CYB5RL: variants seen among roughly 807,000 people sequenced by gnomAD.
The protein encoded by CYB5RL is NADH-cytochrome b5 reductase-like.
In CYB5RL, 38 loss-of-function variants were observed where a neutral mutation model predicts 37.5. The observed-to-expected ratio is 1.01, with a 90% confidence interval of 0.78 to 1.33. The LOEUF (loss-of-function observed/expected upper bound fraction) is 1.33, where lower values mean the gene tolerates loss of function less well. Ranked by LOEUF, CYB5RL falls within the 40% of genes most tolerant of loss-of-function variation. The pLI, the probability that CYB5RL is intolerant of heterozygous loss-of-function variation, is 0.00. For synonymous variants in CYB5RL, 141 were observed against 151.9 expected, an observed-to-expected ratio of 0.93 and a Z score of 0.53; for missense variants, 388 against 394.4, an observed-to-expected ratio of 0.98 and a Z score of 0.14.
intron 5 of CYB5RL, among the ~76,000 whole-genome samples, chr1:54,187,434 C>T (rs144722456): frequency 8.3e-4 from 126 of 152,314 alleles, no homozygotes; most frequent in African/African-American, 3.0e-3. Context: ...TCTATAAGCT[C>T]CTCCATGTCC....
Position 54,171,014 on chromosome 1 carries a change from C to G in CYB5RL, c.*3605G>C, listed in dbSNP as rs1659878131. 1 of 401,962 alleles carries G rather than the reference C, an allele frequency of 2.5e-6. No individual in the cohort carries two copies. Among genetic ancestry groups the G allele is most frequent in the African/African-American group, 2.0e-5 (1 of 49,022 alleles). 24.9% of individuals were successfully genotyped at this position (401,962 alleles called of 1,614,324 possible). ...TGAGCATCCTCCCCTGTTAGGGGTA[C>G]AATGGGCCGGCCCTCATGCTCACAT... On this transcript the variant is annotated 3_prime_UTR_variant, in exon 8 of 8. Coordinates refer to ENST00000534324, the MANE Select transcript of CYB5RL (RefSeq NM_001031672.4).
chr1:54,195,372 A>G (rs1317790659), intron 3 of CYB5RL, 47 bp downstream of exon 3: 3 of 1,504,046 alleles, frequency 2.0e-6, no homozygotes, highest in Non-Finnish European at 2.7e-6. Flanking sequence ...GGCCAAGGCA[A>G]GTAGATTGTT....
intron 1 of CYB5RL, among the ~76,000 whole-genome samples, chr1:54,198,363 C>T (rs140012930): frequency 0.011 from 1,626 of 149,616 alleles, 54 homozygotes; most frequent in Admixed American, 0.065. Flanking sequence ...ACAAGAGTCT[C>T]GCTCTGTTGC....
At chr1:54,182,293 G>T (rs759000878) in intron 6 of CYB5RL, among the ~76,000 whole-genome samples, 3 of 152,118 alleles carry the variant, frequency 2.0e-5, no homozygotes, top group Non-Finnish European at 4.4e-5. Flanking sequence ...AAGTGCTAAG[G>T]TCTGAGCCTG....
At position 54,172,777 on chromosome 1, in the gene CYB5RL, G is replaced by T. The variant is rs894645832; in HGVS notation, c.*1842C>A. The T allele has an allele frequency of 2.0e-5, 3 of 152,286 alleles. No individual in the cohort carries two copies. The highest frequency in any genetic ancestry group is 7.2e-5 in the African/African-American group (3 of 41,450). The allele number at this position is 152,286 out of a possible 1,614,324, so 9.4% of individuals were successfully genotyped here. A position where few individuals can be genotyped will look rare whatever the true frequency, so the allele number is the denominator to read the frequency against. Reference sequence around the variant, plus strand: ...CCGCTATTTGGAGCTGAGTCAATAGGATGTGCAAACTGAGGGAGAGGAAAG... The same window carrying T: ...CCGCTATTTGGAGCTGAGTCAATAGTATGTGCAAACTGAGGGAGAGGAAAG... On this transcript the variant is annotated 3_prime_UTR_variant, in exon 8 of 8. Coordinates refer to ENST00000534324, the MANE Select transcript of CYB5RL (RefSeq NM_001031672.4).
At chr1:54,194,546 C>T (rs1034138953) in intron 3 of CYB5RL, among the ~76,000 whole-genome samples, 2 of 151,964 alleles carry the variant, frequency 1.3e-5, no homozygotes, top group African/African-American at 2.4e-5. Context: ...AGGTGGCTTA[C>T]GCCTGTAATC....
chr1:54,198,335 C>CT (rs577709879), intron 1 of CYB5RL, among the ~76,000 whole-genome samples: 10,502 of 143,130 alleles, frequency 0.073, 464 homozygotes, highest in Non-Finnish European at 0.1. Flanking sequence ...TTCTTTCTTT[C>CT]TTTTTTTTTT....
chr1:54,171,646 T>G lies in CYB5RL; in HGVS notation c.*2973A>C. The G allele has an allele frequency of 2.8e-6, 1 of 354,812 alleles. No individual in the cohort carries two copies. Among genetic ancestry groups the G allele is most frequent in the South Asian group, 2.1e-5 (1 of 46,950 alleles). 22.0% of individuals were successfully genotyped at this position (354,812 alleles called of 1,614,324 possible). ...TGGCTCACAGATTGTGGACACCTGG[T>G]TGACCTCTTGATGCCTGCGTATCAT... is the stretch of plus-strand genomic sequence containing the variant. On this transcript the variant is annotated 3_prime_UTR_variant, in exon 8 of 8. Coordinates refer to ENST00000534324, the MANE Select transcript of CYB5RL (RefSeq NM_001031672.4).
At chr1:54,190,109 T>G (rs946902645) in intron 4 of CYB5RL, among the ~76,000 whole-genome samples, 1 of 151,974 alleles carries the variant, frequency 6.6e-6, no homozygotes, top group Admixed American at 6.5e-5. Flanking sequence ...CAGCTCTACC[T>G]GGACATCCCA....
chr1:54,172,555 A>G lies in CYB5RL; in HGVS notation c.*2064T>C, dbSNP rs1290613827. 1 of 152,254 alleles carries G rather than the reference A, an allele frequency of 6.6e-6. No homozygotes were observed. Among genetic ancestry groups the G allele is most frequent in the Non-Finnish European group, 1.5e-5 (1 of 68,126 alleles). 9.4% of individuals were successfully genotyped at this position (152,254 alleles called of 1,614,324 possible). A position where few individuals can be genotyped will look rare whatever the true frequency, so the allele number is the denominator to read the frequency against. ...TGGTGTGCCCCTGGGCTCTCCCTAG[A>G]CTAGGCTAAAGCCCCTGCCAACCAC... is the stretch of plus-strand genomic sequence containing the variant. On this transcript the variant is annotated 3_prime_UTR_variant, in exon 8 of 8. Coordinates refer to ENST00000534324, the MANE Select transcript of CYB5RL (RefSeq NM_001031672.4).
intron 6 of CYB5RL, among the ~76,000 whole-genome samples, chr1:54,183,457 C>T (rs998114261): frequency 3.3e-5 from 5 of 152,044 alleles, no homozygotes; most frequent in Non-Finnish European, 5.9e-5. Context: ...CTGGGAAAGT[C>T]GGGGAAGGGT....
chr1:54,181,496 G>C (rs1032960928), intron 6 of CYB5RL, among the ~76,000 whole-genome samples: 2 of 152,224 alleles, frequency 1.3e-5, no homozygotes, highest in Non-Finnish European at 2.9e-5. Flanking sequence ...CTGTAACGAA[G>C]ACGACTGCAG....
At position 54,173,631 on chromosome 1, in the gene CYB5RL, T is replaced by C. The variant is rs1225934299; in HGVS notation, c.*988A>G. 6.6e-6 allele frequency: 1 copy of C among 152,468 alleles called. No individual in the cohort carries two copies. Among genetic ancestry groups the C allele is most frequent in the East Asian group, 1.9e-4 (1 of 5,192 alleles). The allele number at this position is 152,468 out of a possible 1,614,324, so 9.4% of individuals were successfully genotyped here. A position where few individuals can be genotyped will look rare whatever the true frequency, so the allele number is the denominator to read the frequency against. ...TGACTATAAAAGTCTAACTCTAAGA[T>C]TCCATGGCTTAATATTCCAATTCTG... On this transcript the variant is annotated 3_prime_UTR_variant, in exon 8 of 8. Transcript: ENST00000534324.
chr1:54,178,661 G>GAT (rs1246686352), intron 7 of CYB5RL, among the ~76,000 whole-genome samples: 1 of 152,186 alleles, frequency 6.6e-6, no homozygotes, highest in Non-Finnish European at 1.5e-5. Flanking sequence ...GTTTACTCCA[G>GAT]CAGTCACTAA....
rs1354727047 is a variant in CYB5RL, at chr1:54,190,198, A to C, written c.347+550T>G. Among the ~76,000 whole-genome samples, 3 of 152,202 alleles carry C rather than the reference A, an allele frequency of 2.0e-5. No homozygotes were observed. The East Asian group carries it at 5.8e-4, about 29-fold the overall frequency. ...CCTAAGTAGGCTGGGAGGAAGTAGGAACCTCAGAGGAGTGGTAAAGAGCGT... is the reference window on the plus strand; with the variant it reads ...CCTAAGTAGGCTGGGAGGAAGTAGGCACCTCAGAGGAGTGGTAAAGAGCGT... On this transcript the variant is annotated intron_variant, in intron 4 of 7. Coordinates refer to ENST00000534324, the MANE Select transcript of CYB5RL (RefSeq NM_001031672.4).
intron 3 of CYB5RL, among the ~76,000 whole-genome samples, chr1:54,194,394 AAAGAT>A (rs907792667): frequency 2.0e-5 from 3 of 152,256 alleles, no homozygotes; most frequent in Non-Finnish European, 2.9e-5. Context: ...AAGGAAAAGA[AAAGAT>A]AAGAAAAACA....
chr1:54,189,732 T>C (rs1643932720), intron 4 of CYB5RL, among the ~76,000 whole-genome samples: 1 of 152,136 alleles, frequency 6.6e-6, no homozygotes, highest in Non-Finnish European at 1.5e-5. Flanking sequence ...ACCTGCCCTG[T>C]GGCCCCTCCT....
chr1:54,195,393 T>A, intron 3 of CYB5RL, 26 bp downstream of exon 3: 1 of 1,546,336 alleles, frequency 6.5e-7, no homozygotes. Context: ...GCCCTGGTGC[T>A]CATATCGAGA....
intron 5 of CYB5RL, among the ~76,000 whole-genome samples, chr1:54,186,876 C>T (rs539362770): frequency 4.0e-5 from 6 of 151,216 alleles, no homozygotes; most frequent in South Asian, 2.1e-4. Context: ...TGGGGGACTC[C>T]GTTTACTTAT....
Sources: gnomAD v4.1 joint callset for allele counts (sites outside exome capture counted in the v4.1 genomes callset) on GRCh38, gnomAD v4.1.1 for gene constraint, MANE v1.5 for transcripts, NCBI Gene and HGNC (gene_info 2026-07-23, HGNC 2026-07-21) for gene names.